Variants in ADAMTS6 observed in about 807,000 individuals in gnomAD.
The protein encoded by ADAMTS6 is ADAM metallopeptidase with thrombospondin type 1 motif 6.
In ADAMTS6, 23 loss-of-function variants were observed where a neutral mutation model predicts 144.3. That is an observed-to-expected ratio of 0.16 (90% CI 0.11 to 0.23). ADAMTS6 has a LOEUF of 0.23. Among genes scored for constraint, ADAMTS6 ranks in the 10% least tolerant of loss-of-function variants. The pLI, the probability that ADAMTS6 is intolerant of heterozygous loss-of-function variation, is 1.00. For missense variants in ADAMTS6, 999 were observed against 1,379.6 expected (o/e 0.72, Z 4.37); for synonymous variants, 444 against 457.5 (o/e 0.97, Z 0.38).
chr5:65,343,955 C>T (rs1053719977), intron 7 of ADAMTS6, among the ~76,000 whole-genome samples: 1 of 151,994 alleles, frequency 6.6e-6, no homozygotes, highest in Admixed American at 6.6e-5. Flanking sequence ...TTTTAAAATG[C>T]TCAACATCAC....
intron 1 of ADAMTS6, among the ~76,000 whole-genome samples, chr5:65,479,091 T>G (rs1049949294): frequency 6.6e-5 from 10 of 152,222 alleles, no homozygotes; most frequent in African/African-American, 2.4e-4. Flanking sequence ...TCTTCTCAAC[T>G]TCTTTCATCC....
chr5:65,326,676 A>G (rs1260582512), intron 9 of ADAMTS6, among the ~76,000 whole-genome samples: 1 of 152,166 alleles, frequency 6.6e-6, no homozygotes, highest in East Asian at 1.9e-4. Flanking sequence ...CTTAACATCC[A>G]TCTCATAAAG....
chr5:65,383,967 C>A (rs912838916), intron 7 of ADAMTS6, among the ~76,000 whole-genome samples: 4 of 152,154 alleles, frequency 2.6e-5, no homozygotes, highest in Non-Finnish European at 5.9e-5. Flanking sequence ...AAAGGCAGCC[C>A]GAGGCACAAC....
chr5:65,229,233 G>C (rs778959237), intron 15 of ADAMTS6, among the ~76,000 whole-genome samples: 4 of 152,206 alleles, frequency 2.6e-5, no homozygotes, highest in Non-Finnish European at 5.9e-5. Context: ...CTCCCCAAGA[G>C]AGAATAAGAG....
intron 7 of ADAMTS6, among the ~76,000 whole-genome samples, chr5:65,348,717 G>C: frequency 6.6e-6 from 1 of 152,044 alleles, no homozygotes; most frequent in South Asian, 2.1e-4. Context: ...TAATCATCCA[G>C]TAATGAATAT....
At chr5:65,429,841 CA>C (rs1452076160) in intron 7 of ADAMTS6, among the ~76,000 whole-genome samples, 7 of 151,938 alleles carry the variant, frequency 4.6e-5, no homozygotes, top group Admixed American at 3.3e-4. Context: ...AGTTCACAAA[CA>C]AAATTAGAAA....
At chr5:65,329,797 C>A (rs1018272751) in intron 8 of ADAMTS6, among the ~76,000 whole-genome samples, 1 of 152,078 alleles carries the variant, frequency 6.6e-6, no homozygotes, top group African/African-American at 2.4e-5. Context: ...GAAAGCATTT[C>A]TATTTTAACA....
rs1315493390 is a variant in ADAMTS6, at chr5:65,219,936, ATTCT to A, written c.2272+4380_2272+4383del. On this transcript the variant is annotated intron_variant, in intron 18 of 24. Transcript: ENST00000381055. ...AATTCTAATGGGAGATATCGACGTA[ATTCT>A]TTCAGTAATTCTTCAACAAGAAGGC... Among the ~76,000 whole-genome samples the A allele has an allele frequency of 2.0e-5, 3 of 152,330 alleles. No individual in the cohort carries two copies. The East Asian group carries it at 5.8e-4, about 29-fold the overall frequency.
At chr5:65,354,525 T>C (rs796809) in intron 7 of ADAMTS6, among the ~76,000 whole-genome samples, 2 of 151,858 alleles carry the variant, frequency 1.3e-5, no homozygotes, top group Admixed American at 6.6e-5. Flanking sequence ...TTTGTTAATA[T>C]GAGTAAATGT....
chr5:65,292,662 T>C (rs188606918), intron 10 of ADAMTS6, among the ~76,000 whole-genome samples: 26 of 152,252 alleles, frequency 1.7e-4, no homozygotes, highest in Admixed American at 7.2e-4. Context: ...TACGGTGATA[T>C]AGAGTTAAAG....
intron 7 of ADAMTS6, among the ~76,000 whole-genome samples, chr5:65,434,810 C>T (rs930932750): frequency 4.6e-5 from 7 of 152,172 alleles, no homozygotes; most frequent in Admixed American, 2.6e-4. Flanking sequence ...GGTAAAATCA[C>T]ATTGTAGAGC....
intron 7 of ADAMTS6, among the ~76,000 whole-genome samples, chr5:65,374,728 A>G (rs969014097): frequency 7.9e-5 from 12 of 152,228 alleles, no homozygotes; most frequent in African/African-American, 2.9e-4. Context: ...CAAGCTACCA[A>G]TGACTTTCTT....
intron 9 of ADAMTS6, among the ~76,000 whole-genome samples, chr5:65,313,879 T>C (rs1744733310): frequency 6.6e-6 from 1 of 152,084 alleles, no homozygotes; most frequent in African/African-American, 2.4e-5. Flanking sequence ...CATCATTCAT[T>C]AGCAATTATT....
At chr5:65,436,266 G>A (rs1757395185) in intron 7 of ADAMTS6, among the ~76,000 whole-genome samples, 1 of 151,910 alleles carries the variant, frequency 6.6e-6, no homozygotes, top group Non-Finnish European at 1.5e-5. Flanking sequence ...AGCCATAGTG[G>A]CGCGACTGCA....
chr5:65,335,374 G>A (rs1399276072), intron 7 of ADAMTS6, among the ~76,000 whole-genome samples: 1 of 152,126 alleles, frequency 6.6e-6, no homozygotes, highest in Non-Finnish European at 1.5e-5. Flanking sequence ...GTAAGATATA[G>A]AGAGGGTACC....
At chr5:65,260,054 A>G (rs773284991) in intron 14 of ADAMTS6, among the ~76,000 whole-genome samples, 4 of 152,166 alleles carry the variant, frequency 2.6e-5, no homozygotes, top group Non-Finnish European at 5.9e-5. Flanking sequence ...TCAGAGGAAG[A>G]GCTAGTTTCC....
Position 65,201,721 on chromosome 5 carries a change from C to T in ADAMTS6, c.2576-4570G>A, listed in dbSNP as rs181991316. ...ACATCTAAATAATTTAACCTAGTGA[C>T]ATAGCACATCATATCTACCCAAGAA... On this transcript the variant is annotated intron_variant, in intron 20 of 24. Coordinates refer to ENST00000381055, the MANE Select transcript of ADAMTS6 (RefSeq NM_197941.4). 9.9e-5 allele frequency among the ~76,000 whole-genome samples: 15 copies of T among 152,284 alleles called. No homozygotes were observed. In the East Asian group the frequency reaches 2.7e-3, roughly 27 times the overall value.
intron 9 of ADAMTS6, among the ~76,000 whole-genome samples, chr5:65,307,096 A>G (rs988185792): frequency 2.6e-5 from 4 of 152,176 alleles, no homozygotes; most frequent in Non-Finnish European, 5.9e-5. Context: ...CCCTAAGGTC[A>G]TGGGGATTTA....
chr5:65,226,309 G>A (rs1216591630), intron 15 of ADAMTS6, 90 bp from the exon 16 acceptor site: 11 of 1,341,136 alleles, frequency 8.2e-6, no homozygotes, highest in Admixed American at 5.8e-5. Context: ...TATAATTCAC[G>A]TAGACATCAT....
Sources: gnomAD v4.1 joint callset for allele counts (sites outside exome capture counted in the v4.1 genomes callset) on GRCh38, gnomAD v4.1.1 for gene constraint, MANE v1.5 for transcripts, NCBI Gene and HGNC (gene_info 2026-07-23, HGNC 2026-07-21) for gene names.